MCM9: variants seen among roughly 807,000 people sequenced by gnomAD.
The protein encoded by MCM9 is DNA helicase MCM9.
Under a neutral mutation model 72.8 loss-of-function variants are expected in MCM9, and 55 were observed. That is an observed-to-expected ratio of 0.76 (90% CI 0.61 to 0.95). The LOEUF (loss-of-function observed/expected upper bound fraction) is 0.95, where lower values mean the gene tolerates loss of function less well. Ranked by LOEUF, MCM9 falls within the 40% of genes least tolerant of loss-of-function variation. The pLI, the probability that MCM9 is intolerant of heterozygous loss-of-function variation, is 0.00. For synonymous variants in MCM9, 480 were observed against 503.4 expected, an observed-to-expected ratio of 0.95 and a Z score of 0.62; for missense variants, 1,279 against 1,377.0, an observed-to-expected ratio of 0.93 and a Z score of 1.13.
chr6:118,894,994 A>T (rs564561130), intron 8 of MCM9, among the ~76,000 whole-genome samples: 2 of 152,138 alleles, frequency 1.3e-5, no homozygotes, highest in Admixed American at 6.5e-5. Flanking sequence ...ACCCCGGCGC[A>T]CGGCGCCTCC....
intron 8 of MCM9, chr6:118,911,040 A>G (rs1780508846): frequency 1.0e-6 from 1 of 983,786 alleles, no homozygotes; most frequent in African/African-American, 1.7e-5. Flanking sequence ...AGCATCAAAC[A>G]TATTTTTTAA....
At chr6:118,911,050 A>G (rs1412622716) in intron 8 of MCM9, 11 of 983,558 alleles carry the variant, frequency 1.1e-5, no homozygotes, top group Non-Finnish European at 1.3e-5. Flanking sequence ...ATATTTTTTA[A>G]AATAATTTTT....
chr6:118,845,187 C>T (rs1240478910), intron 9 of MCM9, among the ~76,000 whole-genome samples: 4 of 151,952 alleles, frequency 2.6e-5, no homozygotes, highest in Admixed American at 2.6e-4. Context: ...CACAAACACA[C>T]ACAAAAAAAT....
intron 9 of MCM9, among the ~76,000 whole-genome samples, chr6:118,838,263 C>T (rs538995407): frequency 4.0e-5 from 6 of 151,312 alleles, no homozygotes; most frequent in South Asian, 2.1e-4. Context: ...CCCAGGTTCA[C>T]GCCATTCTCC....
rs144983002 is a variant in MCM9, at chr6:118,874,165, G to A, written c.1151-17620C>T. On this transcript the variant is annotated intron_variant, in intron 8 of 13. Transcript: ENST00000619706. ...AGCTACTCAGGAGGCTGAGGTGGGA[G>A]GATCACTTGAACCTGGAAGGCAGAG... Among the ~76,000 whole-genome samples, 249 of 152,222 alleles carry A rather than the reference G, an allele frequency of 1.6e-3. 1 individual carries two copies. The highest frequency in any genetic ancestry group is 5.7e-3 in the African/African-American group (237 of 41,538).
chr6:118,852,172 C>G (rs920623288), intron 9 of MCM9, among the ~76,000 whole-genome samples: 2 of 152,190 alleles, frequency 1.3e-5, no homozygotes, highest in African/African-American at 2.4e-5. Flanking sequence ...TGCATCTAAA[C>G]ATATCTAAAC....
chr6:118,872,268 G>A (rs572135058), intron 8 of MCM9, among the ~76,000 whole-genome samples: 4 of 151,160 alleles, frequency 2.6e-5, no homozygotes, highest in East Asian at 1.9e-4. Flanking sequence ...GCAGTGAGCC[G>A]AGATTGTGCC....
intron 13 of MCM9, among the ~76,000 whole-genome samples, chr6:118,821,817 C>G (rs900292504): frequency 6.6e-6 from 1 of 151,998 alleles, no homozygotes; most frequent in Non-Finnish European, 1.5e-5. Flanking sequence ...TTTATTCATT[C>G]CTTTTCATTC....
intron 6 of MCM9, among the ~76,000 whole-genome samples, chr6:118,915,767 A>G (rs1317102905): frequency 6.6e-6 from 1 of 152,234 alleles, no homozygotes; most frequent in African/African-American, 2.4e-5. Flanking sequence ...CATACTAACA[A>G]GAGAAACACT....
intron 9 of MCM9, among the ~76,000 whole-genome samples, chr6:118,844,921 T>C (rs1775754525): frequency 6.6e-6 from 1 of 151,804 alleles, no homozygotes; most frequent in African/African-American, 2.4e-5. Context: ...GGCCAAACAC[T>C]GGAAAGTACC....
At chr6:118,842,876 C>G (rs533548277) in intron 9 of MCM9, among the ~76,000 whole-genome samples, 3 of 152,226 alleles carry the variant, frequency 2.0e-5, no homozygotes, top group Non-Finnish European at 2.9e-5. Flanking sequence ...CATCTTACTT[C>G]TATTTCATTA....
chr6:118,828,766 C>A (rs191007903), intron 10 of MCM9, among the ~76,000 whole-genome samples: 7 of 152,156 alleles, frequency 4.6e-5, no homozygotes, highest in Non-Finnish European at 1.0e-4. Flanking sequence ...AAGAGGTGAG[C>A]GTTAATTCTG....
Position 118,834,152 on chromosome 6 carries a change from C to T in MCM9, c.1326-4902G>A, listed in dbSNP as rs368022618. 5.9e-5 allele frequency among the ~76,000 whole-genome samples: 9 copies of T among 152,176 alleles called. No homozygotes were observed. The South Asian group carries it at 8.3e-4, about 14-fold the overall frequency. Reference sequence around the variant, plus strand: ...TCCTGTGTTAGTTTGCTGAGAATGACGGTTTCCAGCTTCACTCATGTCCCT... The same window carrying T: ...TCCTGTGTTAGTTTGCTGAGAATGATGGTTTCCAGCTTCACTCATGTCCCT... On this transcript the variant is annotated intron_variant, in intron 9 of 13. Coordinates refer to ENST00000619706, the MANE Select transcript of MCM9 (RefSeq NM_017696.3).
intron 9 of MCM9, among the ~76,000 whole-genome samples, chr6:118,830,059 G>A (rs1278385003): frequency 1.3e-5 from 2 of 152,158 alleles, no homozygotes; most frequent in Non-Finnish European, 2.9e-5. Context: ...GAGGGACAAG[G>A]TAGTCCTAAA....
At chr6:118,873,934 A>T (rs1333065474) in intron 8 of MCM9, among the ~76,000 whole-genome samples, 2 of 152,198 alleles carry the variant, frequency 1.3e-5, no homozygotes, top group African/African-American at 4.8e-5. Flanking sequence ...AACAAGTGTG[A>T]TTTATCCTAG....
Position 118,816,041 on chromosome 6 carries a change from C to G in MCM9, c.2215G>C (p.Asp739His). ...KHSAQHKNNR[D>H]DSLDWFDFMA... ...AAATCAAACCAATCTAAACTGTCAT[C>G]TCTGTTATTTTTGTGCTGAGCTGAA... Residue 739 changes from aspartate (D) to histidine (H), a missense_variant, in exon 14 of 14, where the codon GAT becomes CAT. Coordinates refer to ENST00000619706, the MANE Select transcript of MCM9 (RefSeq NM_017696.3). 1 of 1,550,368 alleles carries G rather than the reference C, an allele frequency of 6.5e-7. No individual in the cohort carries two copies. Among genetic ancestry groups the G allele is most frequent in the South Asian group, 1.2e-5 (1 of 84,040 alleles).
intron 8 of MCM9, among the ~76,000 whole-genome samples, chr6:118,905,343 G>A (rs577089077): frequency 2.8e-4 from 34 of 122,620 alleles, no homozygotes; most frequent in Non-Finnish European, 5.0e-4. Flanking sequence ...GACTATAAAG[G>A]TTTTATAATG....
intron 9 of MCM9, among the ~76,000 whole-genome samples, chr6:118,832,054 T>G (rs773929659): frequency 7.2e-5 from 11 of 152,122 alleles, no homozygotes; most frequent in Non-Finnish European, 1.3e-4. Context: ...GGCATCAACT[T>G]ATTTGCCTTA....
In MCM9 at chr6:118,815,213, T is replaced by C; in HGVS notation, c.3043A>G (p.Ile1015Val). ...CCAAGCTCTAATTCAGGCTGAATAA[T>C]CCTCTTCTCAGGGGCACACATCACC... Reference protein sequence around the residue: ...EKVMCAPEKRIIQPELELGNE... With the variant: ...EKVMCAPEKRVIQPELELGNE... The change falls in exon 14 of 14, where the codon ATT becomes GTT. Residue 1015 changes from isoleucine (I) to valine (V), a missense_variant. Physicochemically the swap from Ile to Val is conservative, Grantham distance 29. Coordinates refer to ENST00000619706, the MANE Select transcript of MCM9 (RefSeq NM_017696.3). 6.4e-7 allele frequency: 1 copy of C among 1,550,636 alleles called. No individual in the cohort carries two copies. Among genetic ancestry groups the C allele is most frequent in the Non-Finnish European group, 8.7e-7 (1 of 1,146,972 alleles).
Sources: allele counts gnomAD v4.1 joint callset (sites outside exome capture counted in the v4.1 genomes callset), GRCh38; gene constraint gnomAD v4.1.1; transcripts MANE v1.5; gene names NCBI Gene and HGNC (gene_info 2026-07-23, HGNC 2026-07-21).